GTF2E2: variants seen among roughly 807,000 people sequenced by gnomAD.
GTF2E2 encodes general transcription factor IIE subunit 2, also known as transcription initiation factor IIE subunit beta.
In GTF2E2, 21 loss-of-function variants were observed where a neutral mutation model predicts 40.5. The observed-to-expected ratio is 0.52, with a 90% confidence interval of 0.37 to 0.75. The LOEUF is 0.75. Ranked by LOEUF, GTF2E2 falls within the 30% of genes least tolerant of loss-of-function variation. The pLI, the probability that GTF2E2 is intolerant of heterozygous loss-of-function variation, is 0.00. For missense variants in GTF2E2, 298 were observed against 338.4 expected, an observed-to-expected ratio of 0.88 and a Z score of 0.94; for synonymous variants, 117 against 121.6, an observed-to-expected ratio of 0.96 and a Z score of 0.25.
At chr8:30,594,516 T>C (rs974143762) in intron 6 of GTF2E2, among the ~76,000 whole-genome samples, 21 of 146,252 alleles carry the variant, frequency 1.4e-4, no homozygotes, top group African/African-American at 5.1e-4. Flanking sequence ...GGGTTTCTTA[T>C]AGACAGTATA....
intron 2 of GTF2E2, among the ~76,000 whole-genome samples, chr8:30,649,757 A>T (rs1489549259): frequency 6.6e-6 from 1 of 152,204 alleles, no homozygotes; most frequent in African/African-American, 2.4e-5. Flanking sequence ...TGAGAGACAG[A>T]GCAAGACTCC....
rs551491324 is a variant in GTF2E2 at position 30,604,866 on chromosome 8, CA to C, written c.643+2190del. ...GGCCAACAAAGGCCATATAAAATGA[CA>C]AATGAAAACGGGTAATATTAAGGAA... On this transcript the variant is annotated intron_variant, in intron 6 of 7. Transcript: ENST00000355904. Among the ~76,000 whole-genome samples, 14 of 152,094 alleles carry C rather than the reference CA, an allele frequency of 9.2e-5. No individual in the cohort carries two copies. The East Asian group carries it at 2.5e-3, about 27-fold the overall frequency.
chr8:30,593,987 G>A (rs1038555959), intron 6 of GTF2E2, among the ~76,000 whole-genome samples: 2 of 149,400 alleles, frequency 1.3e-5, no homozygotes, highest in South Asian at 2.1e-4. Flanking sequence ...CTGGAGTGCA[G>A]TGGAGCAATC....
At chr8:30,646,232 T>C (rs1462757887) in intron 2 of GTF2E2, among the ~76,000 whole-genome samples, 1 of 152,182 alleles carries the variant, frequency 6.6e-6, no homozygotes, top group African/African-American at 2.4e-5. Context: ...AAAGGCCTAG[T>C]CTATTTTCAA....
chr8:30,580,571 C>A (rs1182437680), intron 6 of GTF2E2, among the ~76,000 whole-genome samples, 175 bp from the exon 7 acceptor site: 1 of 152,170 alleles, frequency 6.6e-6, no homozygotes, highest in Non-Finnish European at 1.5e-5. Flanking sequence ...CAGGGAAAGG[C>A]CTGGAGACAG....
In GTF2E2 at chr8:30,612,441, T is replaced by C; in HGVS notation, c.407A>G (p.Lys136Arg). ...NNPKIEVIDGKYAFKPKYNVR... is the reference protein window; with the variant it reads ...NNPKIEVIDGRYAFKPKYNVR... The stretch of plus-strand genomic sequence containing the variant: ...GTTGTACTTGGGCTTGAAAGCATAC[T>C]TCCCATCTATTACTTCAATTTTGGG... Residue 136 changes from lysine (K) to arginine (R), a missense_variant, in exon 5 of 8, where the codon AAG (lysine) becomes AGG (arginine). Coordinates refer to ENST00000355904, the MANE Select transcript of GTF2E2 (RefSeq NM_002095.6). 6.2e-7 allele frequency: 1 copy of C among 1,612,424 alleles called. No individual in the cohort carries two copies. The highest frequency in any genetic ancestry group is 8.5e-7 in the Non-Finnish European group (1 of 1,178,876).
intron 6 of GTF2E2, among the ~76,000 whole-genome samples, chr8:30,594,638 G>A (rs1213257918): frequency 6.6e-6 from 1 of 150,870 alleles, no homozygotes; most frequent in Non-Finnish European, 1.5e-5. Context: ...TGGGAAGATC[G>A]CCTGAGGTCA....
At chr8:30,637,181 C>T in intron 2 of GTF2E2, 1 of 453,926 alleles carries the variant, frequency 2.2e-6, no homozygotes, top group Non-Finnish European at 4.4e-6. Context: ...GCCATTTTGT[C>T]AAAGTACAGA....
Position 30,578,808 on chromosome 8 carries a change from C to T in GTF2E2, c.*113G>A, listed in dbSNP as rs1227645065. On this transcript the variant is annotated 3_prime_UTR_variant, in exon 8 of 8. Coordinates refer to ENST00000355904, the MANE Select transcript of GTF2E2 (RefSeq NM_002095.6). ...TGCACTTGTTTTGTAAACTGAACTG[C>T]TCCTCTCCTCAGCCGCAAGAAGCAG... is the stretch of plus-strand genomic sequence containing the variant. The T allele has an allele frequency of 1.4e-6, 1 of 701,116 alleles. No individual in the cohort carries two copies. The highest frequency in any genetic ancestry group is 2.6e-6 in the Non-Finnish European group (1 of 381,144). 43.4% of individuals were successfully genotyped at this position (701,116 alleles called of 1,614,324 possible). A position where few individuals can be genotyped will look rare whatever the true frequency, so the allele number is the denominator to read the frequency against.
chr8:30,590,746 A>G (rs1045065480), intron 6 of GTF2E2, among the ~76,000 whole-genome samples: 2 of 151,692 alleles, frequency 1.3e-5, no homozygotes, highest in Non-Finnish European at 2.9e-5. Context: ...GCTGGAGTGC[A>G]GTGGCGCAAT....
At chr8:30,635,177 G>T in intron 2 of GTF2E2, 54 bp from the exon 3 acceptor site, 1 of 963,308 alleles carries the variant, frequency 1.0e-6, no homozygotes, top group Non-Finnish European at 1.6e-6. Context: ...TATGACTCTT[G>T]AGCAGCTAAA....
intron 1 of GTF2E2, among the ~76,000 whole-genome samples, chr8:30,654,079 A>G (rs529360136): frequency 2.1e-5 from 2 of 93,372 alleles, no homozygotes; most frequent in South Asian, 8.9e-4. Context: ...ACAGACCAAG[A>G]CCCTTGTTCA....
chr8:30,655,264 T>C (rs1003198419), intron 1 of GTF2E2, among the ~76,000 whole-genome samples: 6 of 151,714 alleles, frequency 4.0e-5, no homozygotes. Context: ...AACTTCTATG[T>C]TGTGGTTGTT....
intron 6 of GTF2E2, among the ~76,000 whole-genome samples, chr8:30,594,057 A>G (rs548335652): frequency 6.6e-6 from 1 of 151,870 alleles, no homozygotes; most frequent in South Asian, 2.1e-4. Flanking sequence ...CAGCCCCCCA[A>G]GTAGCTGGGA....
At chr8:30,622,421 T>A (rs1265683171) in intron 3 of GTF2E2, among the ~76,000 whole-genome samples, 6 of 137,618 alleles carry the variant, frequency 4.4e-5, no homozygotes. Flanking sequence ...ACAGAGATCA[T>A]GTGCTTCACA....
At position 30,621,626 on chromosome 8, in the gene GTF2E2, CTT is replaced by C. The variant is rs576221657; in HGVS notation, c.259-6913_259-6912del. Reference sequence around the variant, plus strand: ...GACTTTTGGTGTGCTGCCTTTCGTACTTTGTTTCACTTTCTTATTTTTTTATT... The same window carrying C: ...GACTTTTGGTGTGCTGCCTTTCGTACTGTTTCACTTTCTTATTTTTTTATT... On this transcript the variant is annotated intron_variant, in intron 3 of 7. Transcript: ENST00000355904. Among the ~76,000 whole-genome samples the C allele has an allele frequency of 2.9e-3, 434 of 152,140 alleles. 8 individuals carry two copies. Among genetic ancestry groups the C allele is most frequent in the African/African-American group, 9.8e-3 (407 of 41,448 alleles).
chr8:30,627,522 A>G (rs1326397984), intron 3 of GTF2E2, among the ~76,000 whole-genome samples: 1 of 151,856 alleles, frequency 6.6e-6, no homozygotes, highest in African/African-American at 2.4e-5. Flanking sequence ...AATCCTCGGA[A>G]ATGAAATTTA....
At chr8:30,606,385 C>T (rs1829316481) in intron 6 of GTF2E2, among the ~76,000 whole-genome samples, 1 of 152,116 alleles carries the variant, frequency 6.6e-6, no homozygotes, top group African/African-American at 2.4e-5. Context: ...AATTGATGTC[C>T]AATTATTTTC....
rs1166519676 is a variant in GTF2E2, at chr8:30,580,187, G to C, written c.759+94C>G. 7 of 734,184 alleles carry C rather than the reference G, an allele frequency of 9.5e-6. No individual in the cohort carries two copies. In the Admixed American group the frequency reaches 1.3e-4, roughly 14 times the overall value. The allele number at this position is 734,184 out of a possible 1,614,324, so 45.5% of individuals were successfully genotyped here. A position where few individuals can be genotyped will look rare whatever the true frequency, so the allele number is the denominator to read the frequency against. On this transcript the variant is annotated intron_variant, in intron 7 of 7. Transcript: ENST00000355904. ...TGCGGACACTGAGAAACAATGGCGG[G>C]GGAACAACTCCCAGCTCTTCAGAGG...
Sources: allele counts gnomAD v4.1 joint callset (sites outside exome capture counted in the v4.1 genomes callset), GRCh38; gene constraint gnomAD v4.1.1; transcripts MANE v1.5; gene names NCBI Gene and HGNC (gene_info 2026-07-23, HGNC 2026-07-21).